The following NAALADL2 variants were observed in gnomAD, a reference collection of about 807,000 sequenced individuals.
NAALADL2 encodes inactive N-acetylated-alpha-linked acidic dipeptidase-like protein 2.
A neutral mutation model predicts 87.2 loss-of-function variants in NAALADL2; 76 were observed. The observed-to-expected ratio is 0.87, with a 90% CI of 0.72 to 1.05. The LOEUF is 1.05. NAALADL2 is among the 50% of genes least tolerant of loss of function. NAALADL2 has a pLI of 0.00. For missense variants in NAALADL2, 1,089 were observed against 945.8 expected, an observed-to-expected ratio of 1.15 and a Z score of -1.99; for synonymous variants, 354 against 331.0, an observed-to-expected ratio of 1.07 and a Z score of -0.75.
chr3:174,856,526 G>T (rs946986210), upstream of NAALADL2, among the ~76,000 whole-genome samples: 1 of 152,074 alleles, frequency 6.6e-6, no homozygotes, highest in Non-Finnish European at 1.5e-5. Flanking sequence ...CACACTGTAG[G>T]TGCCTGTTAG....
At chr3:175,169,790 G>A (rs1734529271) in intron 2 of NAALADL2, among the ~76,000 whole-genome samples, 1 of 151,750 alleles carries the variant, frequency 6.6e-6, no homozygotes, top group Non-Finnish European at 1.5e-5. Context: ...CTATTCTATT[G>A]ATTTGTTACA....
chr3:174,567,269 T>G (rs1261048429), intron 2 of NAALADL2, among the ~76,000 whole-genome samples: 1 of 151,684 alleles, frequency 6.6e-6, no homozygotes, highest in African/African-American at 2.4e-5. Context: ...ATACATATTT[T>G]AAGTAATTTT....
chr3:174,615,027 A>AACTAAAGTGCTTTGCAAC (rs1251905459), intron 2 of NAALADL2, among the ~76,000 whole-genome samples: 3 of 152,192 alleles, frequency 2.0e-5, no homozygotes, highest in Admixed American at 2.0e-4. Context: ...GTAACAGTGC[A>AACTAAAGTGCTTTGCAAC]TTTACCTCAC....
At chr3:175,001,751 T>G (rs974776830) in intron 1 of NAALADL2, among the ~76,000 whole-genome samples, 7 of 152,184 alleles carry the variant, frequency 4.6e-5, no homozygotes, top group Non-Finnish European at 7.3e-5. Context: ...CAATTTATTT[T>G]CAACTGTAAA....
In NAALADL2 at chr3:175,069,761, G is replaced by T. The variant is rs1358023346; in HGVS notation, c.44-27029G>T. On this transcript the variant is annotated intron_variant, in intron 1 of 13. Transcript: ENST00000454872. ...ACAATAGCAAAGACTTGGAACCAAC[G>T]CAAATGTCCAACAATGATAGACTGG... Among the ~76,000 whole-genome samples, 3 of 151,530 alleles carry T rather than the reference G, an allele frequency of 2.0e-5. No individual in the cohort carries two copies. In the South Asian group the frequency reaches 6.3e-4, roughly 32 times the overall value.
intron 1 of NAALADL2, among the ~76,000 whole-genome samples, chr3:175,026,859 A>G (rs188229389): frequency 4.6e-5 from 7 of 152,252 alleles, no homozygotes; most frequent in Admixed American, 3.9e-4. Context: ...AGCACATCTA[A>G]AGAGATTCAC....
chr3:175,294,484 C>T (rs1039159045), intron 4 of NAALADL2, among the ~76,000 whole-genome samples: 8 of 152,130 alleles, frequency 5.3e-5, no homozygotes, highest in African/African-American at 1.7e-4. Flanking sequence ...ATATGCACTT[C>T]CCCTTGTCAT....
chr3:175,029,891 A>AT (rs1752633600), intron 1 of NAALADL2, among the ~76,000 whole-genome samples: 1 of 152,098 alleles, frequency 6.6e-6, no homozygotes, highest in Non-Finnish European at 1.5e-5. Flanking sequence ...TAGGTGCTTT[A>AT]AATACTTATT....
intron 9 of NAALADL2, among the ~76,000 whole-genome samples, chr3:175,473,925 G>C (rs1222011172): frequency 6.6e-6 from 1 of 152,142 alleles, no homozygotes; most frequent in African/African-American, 2.4e-5. Flanking sequence ...ACACACAGTA[G>C]TGGGATTGCT....
Position 175,233,956 on chromosome 3 carries a change from G to T in NAALADL2, c.571G>T (p.Glu191Ter), listed in dbSNP as rs746990963. Residue 191 changes from glutamate to a stop codon, truncating the protein, a stop_gained, in exon 3 of 14, where the codon GAA (glutamate) becomes TAA (stop). Transcript: ENST00000454872. LOFTEE classifies it high-confidence loss of function. ...FRNLVQLYKN[E>*]DDMEISKKIK... ...AAATTTGGTACAACTATATAAAAAT[G>T]AAGATGACATGGAAATTTCAAAGAA... 7 of 1,591,316 alleles carry T rather than the reference G, an allele frequency of 4.4e-6. 1 individual carries two copies. In the South Asian group the frequency reaches 6.8e-5, roughly 15 times the overall value.
At chr3:175,368,023 A>G (rs1765879051) in intron 5 of NAALADL2, among the ~76,000 whole-genome samples, 2 of 152,296 alleles carry the variant, frequency 1.3e-5, no homozygotes, top group African/African-American at 4.8e-5. Flanking sequence ...ATTTTGAGAT[A>G]CATCCCATCA....
At chr3:175,402,826 C>T (rs1001899151) in intron 5 of NAALADL2, among the ~76,000 whole-genome samples, 1 of 152,084 alleles carries the variant, frequency 6.6e-6, no homozygotes, top group Non-Finnish European at 1.5e-5. Context: ...CCTATGCATT[C>T]CTTCTTTGAC....
intron 13 of NAALADL2, among the ~76,000 whole-genome samples, chr3:175,787,125 C>T (rs1752105515): frequency 6.6e-6 from 1 of 152,162 alleles, no homozygotes; most frequent in Non-Finnish European, 1.5e-5. Context: ...AGCTGTGAGA[C>T]AGGGACATTT....
chr3:174,962,381 T>TATATATATATATGTCATAGTGACTATGAC lies in NAALADL2; in HGVS notation c.43+102943_43+102944insGTCATAGTGACTATGACATATATATATAT, dbSNP rs1742180605. On this transcript the variant is annotated intron_variant, in intron 1 of 13. Coordinates refer to ENST00000454872, the MANE Select transcript of NAALADL2 (RefSeq NM_207015.3). Reference sequence around the variant, plus strand: ...TCATAGTGACTATGACATATATATATATATATATATATATGTCATAGTGAC... The same window carrying TATATATATATATGTCATAGTGACTATGAC: ...TCATAGTGACTATGACATATATATATATATATATATATGTCATAGTGACTATGACATATATATATATATGTCATAGTGAC... Among the ~76,000 whole-genome samples, 99 of 114,832 alleles carry TATATATATATATGTCATAGTGACTATGAC rather than the reference T, an allele frequency of 8.6e-4. 4 individuals carry two copies. Among genetic ancestry groups the TATATATATATATGTCATAGTGACTATGAC allele is most frequent in the African/African-American group, 4.6e-3 (96 of 20,782 alleles). 75.3% of individuals were successfully genotyped at this position (114,832 alleles called of 152,430 possible).
chr3:174,881,588 T>C (rs1729201947), intron 1 of NAALADL2, among the ~76,000 whole-genome samples: 1 of 152,106 alleles, frequency 6.6e-6, no homozygotes, highest in South Asian at 2.1e-4. Context: ...TGTTTGTTGG[T>C]TTATTATTTA....
intron 11 of NAALADL2, among the ~76,000 whole-genome samples, chr3:175,673,841 A>G (rs923198482): frequency 6.6e-6 from 1 of 152,140 alleles, no homozygotes; most frequent in African/African-American, 2.4e-5. Context: ...ATATTTGTGA[A>G]TAAGATTTTA....
intron 2 of NAALADL2, among the ~76,000 whole-genome samples, chr3:174,660,585 G>A (rs1028781648): frequency 2.6e-5 from 4 of 152,084 alleles, no homozygotes; most frequent in Admixed American, 6.6e-5. Flanking sequence ...CTGAGGATAC[G>A]AAAGGATGAT....
At chr3:175,179,223 A>G (rs895261471) in intron 2 of NAALADL2, among the ~76,000 whole-genome samples, 2 of 152,126 alleles carry the variant, frequency 1.3e-5, no homozygotes, top group Admixed American at 6.6e-5. Flanking sequence ...AGTTACTGCT[A>G]TAGAGTGTGA....
intron 2 of NAALADL2, among the ~76,000 whole-genome samples, chr3:175,099,582 C>A (rs1004046564): frequency 2.0e-5 from 3 of 152,182 alleles, no homozygotes; most frequent in Non-Finnish European, 4.4e-5. Context: ...GCCATCTCAG[C>A]CTTAATTCCG....
Sources: allele counts gnomAD v4.1 joint callset (sites outside exome capture counted in the v4.1 genomes callset), GRCh38; gene constraint gnomAD v4.1.1; transcripts MANE v1.5; gene names NCBI Gene and HGNC (gene_info 2026-07-23, HGNC 2026-07-21).